The following PALM2AKAP2 variants were observed in gnomAD, a reference collection of about 807,000 sequenced individuals.
PALM2AKAP2 encodes PALM2 and AKAP2 fusion, also known as PALM2-AKAP2 fusion protein.
In PALM2AKAP2, 37 loss-of-function variants were observed where a neutral mutation model predicts 71.5. The ratio of observed to expected loss-of-function variants is 0.52; its 90% confidence interval spans 0.40 to 0.68. The LOEUF (loss-of-function observed/expected upper bound fraction) is 0.68. PALM2AKAP2 is among the 30% of genes least tolerant of loss of function. PALM2AKAP2 has a pLI of 0.00. For synonymous variants in PALM2AKAP2, 468 were observed against 478.8 expected (o/e 0.98, Z 0.29); for missense variants, 1,224 against 1,191.8 (o/e 1.03, Z -0.40).
chr9:110,077,839 C>T (rs780943248), intron 1 of PALM2AKAP2, among the ~76,000 whole-genome samples: 16 of 151,996 alleles, frequency 1.1e-4, no homozygotes, highest in South Asian at 1.0e-3. Flanking sequence ...CATGGTGAAA[C>T]GCTGTCTCTA....
intron 1 of PALM2AKAP2, among the ~76,000 whole-genome samples, chr9:109,654,021 A>T (rs1336715881): frequency 6.6e-6 from 1 of 152,216 alleles, no homozygotes; most frequent in African/African-American, 2.4e-5. Context: ...ATAAGTGTAT[A>T]TGAGATAGAT....
intron 3 of PALM2AKAP2, 149 bp from the exon 10 acceptor site, chr9:110,161,945 G>A: frequency 2.2e-6 from 2 of 924,884 alleles, no homozygotes; most frequent in Non-Finnish European, 3.4e-6. Flanking sequence ...AATATCAGAT[G>A]GAGAAAGTTT....
In PALM2AKAP2 at chr9:109,677,293, C is replaced by G. The variant is rs78093885; in HGVS notation, c.5+36427C>G. On this transcript the variant is annotated intron_variant, in intron 1 of 6. Coordinates refer to the PALM2AKAP2 transcript ENST00000374531. ...GGACCCAACTTAGAGATTTTTGGAT[C>G]CTTGAGTTCTCAAGTGAAATTAGGT... Among the ~76,000 whole-genome samples the G allele has an allele frequency of 7.1e-3, 1,083 of 152,194 alleles. 17 individuals are homozygous for G. The highest frequency in any genetic ancestry group is 0.025 in the African/African-American group (1,056 of 41,538).
chr9:109,722,792 A>G lies in PALM2AKAP2; in HGVS notation c.6-57696A>G, dbSNP rs539854922. 1.5e-4 allele frequency among the ~76,000 whole-genome samples: 23 copies of G among 152,190 alleles called. No individual in the cohort carries two copies. The South Asian group carries it at 4.4e-3, about 29-fold the overall frequency. The stretch of plus-strand genomic sequence containing the variant: ...GTCTCATAAATAAATAAACAAACAA[A>G]AACACTTTAAATTTTAAAATTCTTC... On this transcript the variant is annotated intron_variant, in intron 1 of 6. Coordinates refer to the PALM2AKAP2 transcript ENST00000374531.
At chr9:109,922,373 G>C (rs1048149923) in intron 3 of PALM2AKAP2, among the ~76,000 whole-genome samples, 3 of 121,268 alleles carry the variant, frequency 2.5e-5, no homozygotes, top group African/African-American at 9.5e-5. Context: ...AGTGAGCTAT[G>C]ATCGTACCAC....
intron 3 of PALM2AKAP2, among the ~76,000 whole-genome samples, chr9:109,911,570 TA>T (rs1050022572): frequency 6.6e-6 from 1 of 152,228 alleles, no homozygotes; most frequent in African/African-American, 2.4e-5. Flanking sequence ...GATCAAGATA[TA>T]AATCAGTCCA....
In PALM2AKAP2 at chr9:109,740,523, A is replaced by T. The variant is rs1025686415; in HGVS notation, c.6-39965A>T. Among the ~76,000 whole-genome samples, 13 of 152,182 alleles carry T rather than the reference A, an allele frequency of 8.5e-5. 1 individual carries two copies. Among genetic ancestry groups the T allele is most frequent in the Admixed American group, 2.0e-4 (3 of 15,284 alleles). The stretch of plus-strand genomic sequence containing the variant: ...ACAAGGACTGGCTCCTGAGGCTAGG[A>T]GACTGCTCGGTATGTCCAAGAAACA... On this transcript the variant is annotated intron_variant, in intron 1 of 6. Coordinates refer to the PALM2AKAP2 transcript ENST00000374531.
intron 1 of PALM2AKAP2, among the ~76,000 whole-genome samples, chr9:110,068,963 A>T (rs1449773592): frequency 6.6e-6 from 1 of 152,226 alleles, no homozygotes; most frequent in Non-Finnish European, 1.5e-5. Context: ...ACAGTATAGA[A>T]ATGAAACCCT....
chr9:109,736,952 C>T (rs80122619), intron 1 of PALM2AKAP2, among the ~76,000 whole-genome samples: 6,134 of 152,234 alleles, frequency 0.04, 186 homozygotes, highest in Non-Finnish European at 0.053. Context: ...CCACTGTCGC[C>T]GTCTCTTTTG....
intron 1 of PALM2AKAP2, among the ~76,000 whole-genome samples, chr9:110,133,434 G>GC: frequency 6.6e-6 from 1 of 152,050 alleles, no homozygotes; most frequent in Admixed American, 6.6e-5. Flanking sequence ...GGAGCTTATT[G>GC]TTGCTGCTAA....
intron 1 of PALM2AKAP2, among the ~76,000 whole-genome samples, chr9:109,827,412 C>T (rs1429265725): frequency 1.3e-5 from 2 of 152,074 alleles, no homozygotes; most frequent in Non-Finnish European, 2.9e-5. Context: ...AGTTTGAGAG[C>T]AGCCTCCCCA....
rs928423211 is a variant in PALM2AKAP2, at chr9:110,015,939, T to C, written c.497-15T>C. 1.2e-6 allele frequency: 2 copies of C among 1,608,156 alleles called. No homozygotes were observed. The highest frequency in any genetic ancestry group is 1.7e-4 in the Middle Eastern group (1 of 6,034). On this transcript the variant is annotated splice_polypyrimidine_tract_variant and intron_variant, in intron 6 of 9. Transcript: ENST00000302798. ...AATGACTTGGCTCAAATGGCACTTCTTTTTTTTCTTTCAGGAGTCGGGTGG... is the reference window on the plus strand; with the variant it reads ...AATGACTTGGCTCAAATGGCACTTCCTTTTTTTCTTTCAGGAGTCGGGTGG...
chr9:109,811,873 A>G (rs147159186), intron 1 of PALM2AKAP2, among the ~76,000 whole-genome samples: 1 of 152,234 alleles, frequency 6.6e-6, no homozygotes, highest in African/African-American at 2.4e-5. Flanking sequence ...GTACCCAGGT[A>G]TATTGTATTT....
intron 1 of PALM2AKAP2, among the ~76,000 whole-genome samples, chr9:109,866,147 C>G (rs1401442858): frequency 6.6e-6 from 1 of 152,098 alleles, no homozygotes. Context: ...CACAGAAAAC[C>G]TTGGTTGTAA....
intron 3 of PALM2AKAP2, among the ~76,000 whole-genome samples, chr9:109,903,192 G>C (rs373572299): frequency 1.6e-4 from 25 of 152,214 alleles, no homozygotes; most frequent in African/African-American, 5.8e-4. Flanking sequence ...CTTTGCAGGA[G>C]CATGCTGTGC....
intron 1 of PALM2AKAP2, among the ~76,000 whole-genome samples, chr9:109,786,115 G>A (rs374789711): frequency 4.7e-4 from 71 of 152,348 alleles, no homozygotes; most frequent in East Asian, 2.3e-3. Context: ...TTGGCTTTTC[G>A]TTGGATTCGC....
chr9:109,714,617 G>A (rs7026158), intron 1 of PALM2AKAP2, among the ~76,000 whole-genome samples: 47,002 of 152,034 alleles, frequency 0.31, 7,856 homozygotes, highest in African/African-American at 0.44. Flanking sequence ...TGGATGAGCA[G>A]CTACTAGCTG....
chr9:109,854,420 A>G (rs145345948), intron 1 of PALM2AKAP2, among the ~76,000 whole-genome samples: 102 of 152,324 alleles, frequency 6.7e-4, no homozygotes, highest in African/African-American at 2.2e-3. Context: ...GTCACTGGTG[A>G]TGGTTATTCT....
chr9:110,085,562 G>A (rs1283847638), intron 1 of PALM2AKAP2, among the ~76,000 whole-genome samples: 2 of 152,116 alleles, frequency 1.3e-5, no homozygotes. Context: ...AAGTAATTGA[G>A]GAATATAGTT....
Sources: allele counts gnomAD v4.1 joint callset (sites outside exome capture counted in the v4.1 genomes callset), GRCh38; gene constraint gnomAD v4.1.1; transcripts MANE v1.5; gene names NCBI Gene and HGNC (gene_info 2026-07-23, HGNC 2026-07-21).